KANK4: variants seen among roughly 807,000 people sequenced by gnomAD.
The protein encoded by KANK4 is KN motif and ankyrin repeat domains 4, also known as KN motif and ankyrin repeat domain-containing protein 4.
A neutral mutation model predicts 80.8 loss-of-function variants in KANK4; 50 were observed. That is an observed-to-expected ratio of 0.62 (90% confidence interval 0.49 to 0.78). The LOEUF is 0.78. KANK4 is among the 30% of genes least tolerant of loss of function. The pLI is 0.00. For missense variants in KANK4, 1,196 were observed against 1,240.1 expected, an observed-to-expected ratio of 0.96 and a Z score of 0.53; for synonymous variants, 465 against 506.9, an observed-to-expected ratio of 0.92 and a Z score of 1.11.
intron 9 of KANK4, among the ~76,000 whole-genome samples, chr1:62,244,644 C>T (rs1229092587): frequency 6.6e-6 from 1 of 152,096 alleles, no homozygotes; most frequent in Non-Finnish European, 1.5e-5. Flanking sequence ...TGAGACTTTC[C>T]CAGCCGTGTG....
intron 2 of KANK4, among the ~76,000 whole-genome samples, chr1:62,277,850 G>A (rs1672346639): frequency 6.6e-6 from 1 of 152,194 alleles, no homozygotes; most frequent in Non-Finnish European, 1.5e-5. Flanking sequence ...ATTGTATTAA[G>A]CCACCAAGTT....
In KANK4 at chr1:62,266,775, C is replaced by A; in HGVS notation, c.2276G>T (p.Ser759Ile). Reference protein sequence around the residue: ...EEFLNACRALSQHLPETGTTT... With the variant: ...EEFLNACRALIQHLPETGTTT... ...GGTCCCAGTTTCTGGCAGATGCTGG[C>A]TCAGTGCCCGGCATGCATTAAGAAA... The change falls in exon 6 of 10, where the codon AGC becomes ATC. Residue 759 changes from serine (S) to isoleucine (I), a missense_variant. Transcript: ENST00000371153. The A allele has an allele frequency of 6.2e-7, 1 of 1,613,360 alleles. No homozygotes were observed. Among genetic ancestry groups the A allele is most frequent in the Non-Finnish European group, 8.5e-7 (1 of 1,179,322 alleles).
In KANK4 at chr1:62,312,797, C is replaced by T. The variant is rs1009802019; in HGVS notation, c.-71+6309G>A. On this transcript the variant is annotated intron_variant, in intron 1 of 9. Coordinates refer to ENST00000371153, the MANE Select transcript of KANK4 (RefSeq NM_181712.5). ...GCAACAAAAGAGAGCTTCGTGCAATCGTAGGGCAAGGGGTGGGTTGGCAGG... is the reference window on the plus strand; with the variant it reads ...GCAACAAAAGAGAGCTTCGTGCAATTGTAGGGCAAGGGGTGGGTTGGCAGG... 1.1e-4 allele frequency among the ~76,000 whole-genome samples: 17 copies of T among 152,320 alleles called. No individual in the cohort carries two copies. In the South Asian group the frequency reaches 1.5e-3, roughly 13 times the overall value.
At chr1:62,272,725 G>C (rs1446906848) in intron 3 of KANK4, 1 of 152,198 alleles carries the variant, frequency 6.6e-6, no homozygotes. Context: ...TAGAGGTCCC[G>C]AGCCTCCACT....
intron 2 of KANK4, among the ~76,000 whole-genome samples, chr1:62,275,980 T>C (rs1433191070): frequency 6.6e-6 from 1 of 151,110 alleles, no homozygotes; most frequent in African/African-American, 2.4e-5. Context: ...TTTCACACAC[T>C]AGATAAAAGG....
chr1:62,310,558 T>C (rs1322254509), intron 1 of KANK4, among the ~76,000 whole-genome samples: 3 of 152,108 alleles, frequency 2.0e-5, no homozygotes, highest in African/African-American at 7.2e-5. Context: ...AAGGTTCTAC[T>C]GAGAAGGCCT....
rs1329889211 is a variant in KANK4 at position 62,281,551 on chromosome 1, T to C, written c.14A>G (p.Asp5Gly). The C allele has an allele frequency of 1.2e-6, 2 of 1,614,110 alleles. No homozygotes were observed. Among genetic ancestry groups the C allele is most frequent in the Non-Finnish European group, 1.7e-6 (2 of 1,180,050 alleles). The change falls in exon 2 of 10, where the codon GAT (aspartate) becomes GGT (glycine). Residue 5 changes from aspartate (D) to glycine (G), a missense_variant and splice_region_variant. Transcript: ENST00000371153. The stretch of plus-strand genomic sequence containing the variant: ...GCCCTACAAAGCAGCTTGCCTACCA[T>C]CTGTCTTCTCCATCTTTGGAGCGCT... MEKTDAKDQSSQGDE... is the reference protein window; with the variant it reads MEKTGAKDQSSQGDE...
rs1429974499 is a variant in KANK4 at position 62,281,613 on chromosome 1, T to A, written c.-49A>T. 6.2e-7 allele frequency: 1 copy of A among 1,610,758 alleles called. No homozygotes were observed. Among genetic ancestry groups the A allele is most frequent in the East Asian group, 2.2e-5 (1 of 44,866 alleles). On this transcript the variant is annotated 5_prime_UTR_variant, in exon 2 of 10. Coordinates refer to ENST00000371153, the MANE Select transcript of KANK4 (RefSeq NM_181712.5). ...TCTCAGGCACTCTTCATCCAATGAGTCTGTAAAACTTGTTGAAGGTTCTGA... is the reference window on the plus strand; with the variant it reads ...TCTCAGGCACTCTTCATCCAATGAGACTGTAAAACTTGTTGAAGGTTCTGA...
At chr1:62,252,224 T>A (rs1671640012) in intron 8 of KANK4, among the ~76,000 whole-genome samples, 1 of 152,284 alleles carries the variant, frequency 6.6e-6, no homozygotes, top group African/African-American at 2.4e-5. Context: ...AAGGCACAAG[T>A]GACCCAGTGA....
intron 1 of KANK4, among the ~76,000 whole-genome samples, chr1:62,309,679 C>T (rs552393925): frequency 6.6e-6 from 1 of 151,892 alleles, no homozygotes; most frequent in South Asian, 2.1e-4. Flanking sequence ...CTTTTTTGTC[C>T]CCATTTTACA....
Position 62,273,764 on chromosome 1 carries a change from T to A in KANK4, c.1340A>T (p.His447Leu), listed in dbSNP as rs1275788397. The change falls in exon 3 of 10, where the codon CAC (histidine) becomes CTC (leucine). Residue 447 changes from histidine to leucine, a missense_variant. This residue lies in a region of KANK4 where 1,154 missense variants were observed against 1,179.6 expected (regional missense o/e 0.98). Coordinates refer to ENST00000371153, the MANE Select transcript of KANK4 (RefSeq NM_181712.5). ...TAGGAGGCCATTCTCCTCTCCTCGG[T>A]GCCCCCAGCTTTCAGACTCCATGCT... ...LGSMESESWGHRGEENGLLWG... is the reference protein window; with the variant it reads ...LGSMESESWGLRGEENGLLWG... The A allele has an allele frequency of 1.2e-6, 2 of 1,613,940 alleles. No homozygotes were observed.
Position 62,238,263 on chromosome 1 carries a change from T to A in KANK4, c.*14A>T, listed in dbSNP as rs1671252247. On this transcript the variant is annotated 3_prime_UTR_variant, in exon 10 of 10. Transcript: ENST00000371153. ...GAAGGCTTTTGTTCCCCACGGCCAG[T>A]TCTTCTGCAGCCCCTACAGCCCCAG... 1 of 1,600,798 alleles carries A rather than the reference T, an allele frequency of 6.2e-7. No homozygotes were observed. The highest frequency in any genetic ancestry group is 1.3e-5 in the African/African-American group (1 of 74,788).
rs10560623 is a variant in KANK4 at position 62,279,198 on chromosome 1, G to GCACACACACACA, written c.16+2339_16+2350dup. On this transcript the variant is annotated intron_variant, in intron 2 of 9. Transcript: ENST00000371153. ...TAGGTGCTTTCCTAAGCTAGCGCGC[G>GCACACACACACA]CACACACACACACACACACACACAC... is the stretch of plus-strand genomic sequence containing the variant. Among the ~76,000 whole-genome samples the GCACACACACACA allele has an allele frequency of 1.5e-3, 226 of 146,210 alleles. 1 individual carries two copies. Among genetic ancestry groups the GCACACACACACA allele is most frequent in the East Asian group, 8.2e-3 (38 of 4,654 alleles).
intron 7 of KANK4, 71 bp from the exon 8 acceptor site, chr1:62,253,280 C>G (rs1201046792): frequency 6.9e-7 from 1 of 1,443,536 alleles, no homozygotes; most frequent in African/African-American, 1.4e-5. Flanking sequence ...TTAGCCGTTT[C>G]AATGGGACAC....
At chr1:62,290,192 T>C (rs1672650824) in intron 1 of KANK4, among the ~76,000 whole-genome samples, 2 of 152,216 alleles carry the variant, frequency 1.3e-5, no homozygotes, top group Non-Finnish European at 2.9e-5. Flanking sequence ...AGTATAGTTT[T>C]ACCTGCTTTG....
chr1:62,299,988 ATACT>A (rs1644398444), intron 1 of KANK4, among the ~76,000 whole-genome samples: 2 of 152,066 alleles, frequency 1.3e-5, no homozygotes, highest in South Asian at 4.1e-4. Context: ...CCTGTCCGAC[ATACT>A]TACCCACTTG....
intron 9 of KANK4, among the ~76,000 whole-genome samples, chr1:62,239,220 T>C (rs1235166301): frequency 1.3e-5 from 2 of 152,214 alleles, no homozygotes; most frequent in Non-Finnish European, 2.9e-5. Context: ...ACCTGTCCTG[T>C]TGTTGGTTTT....
chr1:62,312,034 T>G (rs898561374), intron 1 of KANK4, among the ~76,000 whole-genome samples: 3 of 152,174 alleles, frequency 2.0e-5, no homozygotes, highest in Admixed American at 6.5e-5. Flanking sequence ...GGCAGACTGG[T>G]GAAGCCTATG....
At chr1:62,288,694 G>A (rs929852294) in intron 1 of KANK4, among the ~76,000 whole-genome samples, 1 of 64,530 alleles carries the variant, frequency 1.5e-5, no homozygotes, top group African/African-American at 9.0e-5. Context: ...TGTAGGGAGA[G>A]AGGAGGCTGC....
Sources: allele counts gnomAD v4.1 joint callset (sites outside exome capture counted in the v4.1 genomes callset), GRCh38; gene constraint gnomAD v4.1.1; regional missense constraint gnomAD v4.1.1; transcripts MANE v1.5; gene names NCBI Gene and HGNC (gene_info 2026-07-23, HGNC 2026-07-21).